CALM2: variants seen among roughly 807,000 people sequenced by gnomAD.
CALM2 encodes the protein calmodulin-2.
Under a neutral mutation model 19.8 loss-of-function variants are expected in CALM2, and 2 were observed. That is an observed-to-expected ratio of 0.10 (90% CI 0.04 to 0.32). The LOEUF (loss-of-function observed/expected upper bound fraction) is 0.32. Ranked by LOEUF, CALM2 falls within the 10% of genes least tolerant of loss-of-function variation. The pLI is 1.00. For missense variants in CALM2, 38 were observed against 178.7 expected, an observed-to-expected ratio of 0.21 and a Z score of 4.49; for synonymous variants, 51 against 52.1, an observed-to-expected ratio of 0.98 and a Z score of 0.09.
At chr2:47,172,532 C>T in intron 1 of CALM2, 1 of 1,166,928 alleles carries the variant, frequency 8.6e-7, no homozygotes, top group Non-Finnish European at 1.1e-6. Context: ...ATCAACCTGA[C>T]TAGCTCAATT....
At chr2:47,161,910 G>T in intron 4 of CALM2, 52 bp from the exon 5 acceptor site, 1 of 1,462,622 alleles carries the variant, frequency 6.8e-7, no homozygotes, top group Non-Finnish European at 9.4e-7. Context: ...CTTGAGAGTT[G>T]GAATGGAAAT....
At chr2:47,168,717 T>C (rs915182090) in intron 2 of CALM2, among the ~76,000 whole-genome samples, 3 of 151,532 alleles carry the variant, frequency 2.0e-5, no homozygotes, top group African/African-American at 7.3e-5. Flanking sequence ...TGTCTCAAAA[T>C]AAATTAAAAA....
rs764964037 is a variant in CALM2, at chr2:47,165,978, C to T, written c.35-3316G>A. Reference sequence around the variant, plus strand: ...CCATCGTCCTTTGCCAGGGCTATTACAATTGCCTCCTAACTGCATTCTTTC... The same window carrying T: ...CCATCGTCCTTTGCCAGGGCTATTATAATTGCCTCCTAACTGCATTCTTTC... On this transcript the variant is annotated intron_variant, in intron 2 of 5. Coordinates refer to ENST00000272298, the MANE Select transcript of CALM2 (RefSeq NM_001743.6). Among the ~76,000 whole-genome samples the T allele has an allele frequency of 2.6e-5, 4 of 152,212 alleles. 1 individual carries two copies. Among genetic ancestry groups the T allele is most frequent in the Admixed American group, 1.3e-4 (2 of 15,284 alleles).
chr2:47,168,980 G>A (rs552322280), intron 2 of CALM2, among the ~76,000 whole-genome samples: 9 of 152,198 alleles, frequency 5.9e-5, no homozygotes, highest in South Asian at 2.1e-4. Flanking sequence ...GTTTCACCAC[G>A]TTGGCCAGGC....
rs1553431548 is a variant in CALM2 at position 47,160,731 on chromosome 2, TAAAC to T, written c.*41_*44del. 3.3e-6 allele frequency: 4 copies of T among 1,205,466 alleles called. No individual in the cohort carries two copies. Among genetic ancestry groups the T allele is most frequent in the Admixed American group, 5.8e-5 (2 of 34,484 alleles). 74.7% of individuals were successfully genotyped at this position (1,205,466 alleles called of 1,614,324 possible). A position where few individuals can be genotyped will look rare whatever the true frequency, so the allele number is the denominator to read the frequency against. Reference sequence around the variant, plus strand: ...AAGTTACAAACAAAGAAAAGGCAAATAAACAATTTTGTACAAGAAATTTAACACA... The same window carrying T: ...AAGTTACAAACAAAGAAAAGGCAAATAATTTTGTACAAGAAATTTAACACA... On this transcript the variant is annotated 3_prime_UTR_variant, in exon 6 of 6. Transcript: ENST00000272298.
chr2:47,169,653 T>G (rs1666604673), intron 2 of CALM2, among the ~76,000 whole-genome samples: 1 of 152,232 alleles, frequency 6.6e-6, no homozygotes, highest in African/African-American at 2.4e-5. Flanking sequence ...TAAATTTGTC[T>G]TTAATACTAA....
intron 1 of CALM2, among the ~76,000 whole-genome samples, chr2:47,176,021 C>T (rs1666854825): frequency 6.6e-6 from 1 of 152,192 alleles, no homozygotes; most frequent in Non-Finnish European, 1.5e-5. Flanking sequence ...CTTCCTGGCG[C>T]CCGCACTAAC....
chr2:47,168,843 T>C (rs1666576062), intron 2 of CALM2, among the ~76,000 whole-genome samples: 1 of 152,004 alleles, frequency 6.6e-6, no homozygotes, highest in Admixed American at 6.5e-5. Context: ...AGTGGCATGA[T>C]CTTGCCTCAC....
rs575041831 is a variant in CALM2, at chr2:47,160,437, C to A, written c.*339G>T. ...GAGTTACAACTCCACACTTCAACAA[C>A]AACATGCTGACAGTTCCTAAAGAAA... On this transcript the variant is annotated 3_prime_UTR_variant, in exon 6 of 6. Transcript: ENST00000272298. 1 of 197,030 alleles carries A rather than the reference C, an allele frequency of 5.1e-6. No homozygotes were observed. The highest frequency in any genetic ancestry group is 1.0e-5 in the Non-Finnish European group (1 of 97,640). 12.2% of individuals were successfully genotyped at this position (197,030 alleles called of 1,614,324 possible). A position where few individuals can be genotyped will look rare whatever the true frequency, so the allele number is the denominator to read the frequency against.
Position 47,161,707 on chromosome 2 carries a change from A to G in CALM2, c.421+16T>C, listed in dbSNP as rs1687162436. 2 of 1,603,980 alleles carry G rather than the reference A, an allele frequency of 1.2e-6. No homozygotes were observed. On this transcript the variant is annotated intron_variant, in intron 5 of 5. Coordinates refer to ENST00000272298, the MANE Select transcript of CALM2 (RefSeq NM_001743.6). ...AAATCAAAGTGAAGAATGAGGCGTG[A>G]GACTGAAACATTTACCTTCATAGTT...
intron 2 of CALM2, among the ~76,000 whole-genome samples, chr2:47,168,021 G>A (rs1475404043): frequency 6.6e-6 from 1 of 152,002 alleles, no homozygotes; most frequent in East Asian, 1.9e-4. Flanking sequence ...AAGGGACTTG[G>A]AGAGTAGGCA....
chr2:47,170,366 C>G (rs1041311768), intron 2 of CALM2, among the ~76,000 whole-genome samples: 13 of 152,158 alleles, frequency 8.5e-5, no homozygotes, highest in African/African-American at 2.9e-4. Flanking sequence ...TTCTCCATTT[C>G]AAGTTGCCTT....
chr2:47,170,920 T>C, intron 1 of CALM2, 156 bp from the exon 2 acceptor site: 1 of 664,122 alleles, frequency 1.5e-6, no homozygotes, highest in Non-Finnish European at 2.8e-6. Flanking sequence ...ATCTAGTTTC[T>C]CTTATCTTCA....
At chr2:47,162,686 C>G (rs1687193485) in intron 2 of CALM2, 24 bp from the exon 3 acceptor site, 2 of 1,547,130 alleles carry the variant, frequency 1.3e-6, no homozygotes, top group Non-Finnish European at 1.8e-6. Flanking sequence ...AGACCACAAT[C>G]CAAATACACA....
At position 47,170,721 on chromosome 2, in the gene CALM2, G is replaced by A. The variant is rs1315595972; in HGVS notation, c.34+13C>T. The A allele has an allele frequency of 1.1e-5, 18 of 1,604,628 alleles. No individual in the cohort carries two copies. Among genetic ancestry groups the A allele is most frequent in the Non-Finnish European group, 1.5e-5 (17 of 1,171,474 alleles). Reference sequence around the variant, plus strand: ...AGAATCTAATGGGTACAATCTAGCTGAGTATTTCTCACCTGCAATCTGCTC... The same window carrying A: ...AGAATCTAATGGGTACAATCTAGCTAAGTATTTCTCACCTGCAATCTGCTC... On this transcript the variant is annotated intron_variant, in intron 2 of 5. Coordinates refer to ENST00000272298, the MANE Select transcript of CALM2 (RefSeq NM_001743.6).
chr2:47,163,152 C>G (rs1687208244), intron 2 of CALM2: 1 of 155,334 alleles, frequency 6.4e-6, no homozygotes, highest in South Asian at 1.9e-4. Context: ...AGTAATTAAA[C>G]TGTTTCTGTA....
chr2:47,163,172 T>C (rs921596620), intron 2 of CALM2: 6 of 153,478 alleles, frequency 3.9e-5, no homozygotes, highest in African/African-American at 1.4e-4. Context: ...ATACTGTGTT[T>C]AGAGTTAGCC....
rs370698055 is a variant in CALM2, at chr2:47,161,893, T to C, written c.286-35A>G. On this transcript the variant is annotated intron_variant, in intron 4 of 5. Transcript: ENST00000272298. Reference sequence around the variant, plus strand: ...AATTTAGTATAGTTTCTGAGTCAAATTACAGACTTGAGAGTTGGAATGGAA... The same window carrying C: ...AATTTAGTATAGTTTCTGAGTCAAACTACAGACTTGAGAGTTGGAATGGAA... 8 of 1,568,806 alleles carry C rather than the reference T, an allele frequency of 5.1e-6. No individual in the cohort carries two copies. In the African/African-American group the frequency reaches 9.6e-5, roughly 19 times the overall value.
Position 47,176,456 on chromosome 2 carries a change from A to C in CALM2, c.-13T>G. ...ATGCACTCACCATGCTGCAAGCGCTACCGGTTTCCGAGACGCGACCACACA... is the reference window on the plus strand; with the variant it reads ...ATGCACTCACCATGCTGCAAGCGCTCCCGGTTTCCGAGACGCGACCACACA... On this transcript the variant is annotated 5_prime_UTR_variant, in exon 1 of 6. Transcript: ENST00000272298. 1.2e-6 allele frequency: 2 copies of C among 1,613,706 alleles called. No individual in the cohort carries two copies. The highest frequency in any genetic ancestry group is 1.7e-6 in the Non-Finnish European group (2 of 1,179,954).
Sources: allele counts gnomAD v4.1 joint callset (sites outside exome capture counted in the v4.1 genomes callset), GRCh38; gene constraint gnomAD v4.1.1; transcripts MANE v1.5; gene names NCBI Gene and HGNC (gene_info 2026-07-23, HGNC 2026-07-21).